The following USH2A variants were observed in gnomAD, a reference collection of about 807,000 sequenced individuals.
USH2A encodes the protein Usher syndrome 2A (autosomal recessive, mild).
Under a neutral mutation model 538.9 loss-of-function variants are expected in USH2A, and 443 were observed. That is an observed-to-expected ratio of 0.82 (90% confidence interval 0.76 to 0.89). The LOEUF (loss-of-function observed/expected upper bound fraction) is 0.89, where lower values mean the gene tolerates loss of function less well. Among genes scored for constraint, USH2A ranks in the 40% least tolerant of loss-of-function variants. USH2A has a pLI of 0.00. For missense variants in USH2A, 6,633 were observed against 6,324.8 expected, an observed-to-expected ratio of 1.05 and a Z score of -1.65; for synonymous variants, 2,413 against 2,273.5, an observed-to-expected ratio of 1.06 and a Z score of -1.75.
At chr1:215,816,826 C>T (rs138080654) in intron 48 of USH2A, among the ~76,000 whole-genome samples, 171 bp downstream of exon 48, 2 of 152,124 alleles carry the variant, frequency 1.3e-5, no homozygotes, top group East Asian at 3.9e-4. Context: ...GGCTAAAGTG[C>T]TCATGAGGGT....
In USH2A at chr1:215,674,279, AC is replaced by A; in HGVS notation, c.13631del (p.Gly4544ValfsTer6). 6.2e-7 allele frequency: 1 copy of A among 1,613,696 alleles called. No individual in the cohort carries two copies. The highest frequency in any genetic ancestry group is 8.5e-7 in the Non-Finnish European group (1 of 1,179,942). ...CCCAGTTCACTAAGATCTCCTGAGG[AC>A]CCCTGGCCTGCAATTTTGGAGGTTC... ...GMEPPKLQAR[G>X]PQEILVNWDP... On this transcript the variant is annotated frameshift_variant, in exon 63 of 72. Transcript: ENST00000307340. LOFTEE classifies it high-confidence loss of function.
intron 30 of USH2A, among the ~76,000 whole-genome samples, chr1:216,067,353 C>CA (rs2031411464): frequency 6.6e-6 from 1 of 151,586 alleles, no homozygotes; most frequent in Non-Finnish European, 1.5e-5. Flanking sequence ...CACCCTGGCA[C>CA]ATGTATACCT....
chr1:216,079,720 A>G (rs1363101684), intron 26 of USH2A, among the ~76,000 whole-genome samples: 2 of 152,170 alleles, frequency 1.3e-5, no homozygotes, highest in Admixed American at 6.6e-5. Flanking sequence ...CCTACCAGAC[A>G]TAAGAAGTAC....
In USH2A at chr1:215,647,731, C is replaced by A. The variant is rs1417934743; in HGVS notation, c.14583-1G>T. On this transcript the variant is annotated splice_acceptor_variant, in intron 66 of 71. Transcript: ENST00000307340. LOFTEE classifies it high-confidence loss of function. The stretch of plus-strand genomic sequence containing the variant: ...AGCCACGTGGAATTGGAGTTCATAG[C>A]TAAAATGAGAATGGATACGTAGAGT... 2 of 1,614,124 alleles carry A rather than the reference C, an allele frequency of 1.2e-6. No individual in the cohort carries two copies. The highest frequency in any genetic ancestry group is 3.3e-5 in the Admixed American group (2 of 60,010).
chr1:215,694,430 G>A (rs148670274), intron 61 of USH2A, among the ~76,000 whole-genome samples: 161 of 152,196 alleles, frequency 1.1e-3, no homozygotes, highest in African/African-American at 3.7e-3. Flanking sequence ...AAAATTAGAC[G>A]GGCGTGGTTG....
chr1:215,697,944 A>G (rs1340926354), intron 61 of USH2A, among the ~76,000 whole-genome samples: 1 of 152,184 alleles, frequency 6.6e-6, no homozygotes. Context: ...CGTCATCTAC[A>G]TTAGGTATTT....
intron 21 of USH2A, among the ~76,000 whole-genome samples, chr1:216,171,989 T>C (rs999985982): frequency 6.6e-6 from 1 of 152,012 alleles, no homozygotes; most frequent in African/African-American, 2.4e-5. Context: ...GAAGCAAAAA[T>C]AGGTCCCAAA....
chr1:216,020,534 T>C (rs747380858), intron 32 of USH2A, among the ~76,000 whole-genome samples: 1 of 152,178 alleles, frequency 6.6e-6, no homozygotes, highest in Non-Finnish European at 1.5e-5. Context: ...CACAGAACTC[T>C]TAAAATCCTT....
intron 9 of USH2A, among the ~76,000 whole-genome samples, chr1:216,311,816 T>C (rs1025546701): frequency 2.0e-5 from 3 of 152,166 alleles, no homozygotes; most frequent in Non-Finnish European, 4.4e-5. Context: ...CTAATAATAA[T>C]AAAGTATTCC....
intron 20 of USH2A, among the ~76,000 whole-genome samples, chr1:216,182,893 C>T (rs2034521644): frequency 6.6e-6 from 1 of 152,062 alleles, no homozygotes; most frequent in Non-Finnish European, 1.5e-5. Flanking sequence ...AACCAGGGTA[C>T]CTGTTTGCAG....
intron 44 of USH2A, among the ~76,000 whole-genome samples, chr1:215,851,864 G>T (rs1164972013): frequency 6.6e-6 from 1 of 151,352 alleles, no homozygotes; most frequent in Non-Finnish European, 1.5e-5. Context: ...TTCATACCAG[G>T]GATGCAGGGA....
At chr1:216,325,915 A>G (rs544347574) in intron 5 of USH2A, among the ~76,000 whole-genome samples, 1 of 152,336 alleles carries the variant, frequency 6.6e-6, no homozygotes, top group East Asian at 1.9e-4. Flanking sequence ...TATTTGTGAT[A>G]ATATAGAAAT....
At position 215,627,415 on chromosome 1, in the gene USH2A, TC is replaced by T. The variant is rs1558027250; in HGVS notation, c.15519+1398del. On this transcript the variant is annotated intron_variant, in intron 71 of 71. Coordinates refer to ENST00000307340, the MANE Select transcript of USH2A (RefSeq NM_206933.4). ...TTCCTTCCTTCCTTCCTTCCTTCCT[TC>T]CTTCCTTCCTTCCTTCCTTCCTTCC... 1.4e-3 allele frequency among the ~76,000 whole-genome samples: 165 copies of T among 116,482 alleles called. 6 individuals are homozygous for T. Among genetic ancestry groups the T allele is most frequent in the East Asian group, 8.9e-3 (33 of 3,720 alleles). The allele number at this position is 116,482 out of a possible 152,430, so 76.4% of individuals were successfully genotyped here.
At position 216,044,592 on chromosome 1, in the gene USH2A, T is replaced by G. The variant is rs567505270; in HGVS notation, c.6325+1839A>C. Among the ~76,000 whole-genome samples the G allele has an allele frequency of 3.9e-5, 6 of 152,278 alleles. No homozygotes were observed. The South Asian group carries it at 1.2e-3, about 32-fold the overall frequency. On this transcript the variant is annotated intron_variant, in intron 32 of 71. Transcript: ENST00000307340. Reference sequence around the variant, plus strand: ...AACAATTATAACTTCTCTTTACCAATTGCTAATGACATGTTATATTTTATA... The same window carrying G: ...AACAATTATAACTTCTCTTTACCAAGTGCTAATGACATGTTATATTTTATA...
intron 61 of USH2A, among the ~76,000 whole-genome samples, chr1:215,695,741 T>TTTTGTTTG (rs138129030): frequency 3.8e-4 from 57 of 150,960 alleles, no homozygotes; most frequent in African/African-American, 1.2e-3. Context: ...AACTTTCTGT[T>TTTTGTTTG]TTTGTTTGTT....
chr1:215,778,293 C>T (rs1178252772), intron 55 of USH2A, among the ~76,000 whole-genome samples: 1 of 152,130 alleles, frequency 6.6e-6, no homozygotes, highest in Non-Finnish European at 1.5e-5. Context: ...CTCAGGTGAT[C>T]CGGCTGCCTC....
intron 3 of USH2A, among the ~76,000 whole-genome samples, chr1:216,383,186 T>C (rs557861494): frequency 6.6e-6 from 1 of 152,110 alleles, no homozygotes; most frequent in South Asian, 2.1e-4. Context: ...TGCAATGTAT[T>C]AAAAGCTCAC....
rs2102460248 is a variant in USH2A, at chr1:216,196,556, T to G, written c.4248A>C (p.Ser1416=). The G allele has an allele frequency of 6.2e-7, 1 of 1,613,322 alleles. No individual in the cohort carries two copies. The highest frequency in any genetic ancestry group is 8.5e-7 in the Non-Finnish European group (1 of 1,179,500). The change falls in exon 19 of 72, where the codon TCA becomes TCC. Residue 1416 remains serine, a synonymous_variant. Transcript: ENST00000307340. ...SPQQSIPMAF[S]QLLHTAKSQE... ...CATTAGTTAAAAATAACAATACCTG[T>G]GAAAACGCCATGGGAATAGACTGTT...
At chr1:216,376,292 C>A (rs2038819725) in intron 3 of USH2A, among the ~76,000 whole-genome samples, 1 of 152,130 alleles carries the variant, frequency 6.6e-6, no homozygotes, top group Non-Finnish European at 1.5e-5. Context: ...AACTACTGGA[C>A]ACTCATTTAA....
Sources: allele counts gnomAD v4.1 joint callset (sites outside exome capture counted in the v4.1 genomes callset), GRCh38; gene constraint gnomAD v4.1.1; transcripts MANE v1.5; gene names NCBI Gene and HGNC (gene_info 2026-07-23, HGNC 2026-07-21).